The following ARHGAP24 variants were observed in gnomAD, a reference collection of about 807,000 sequenced individuals.
ARHGAP24 encodes rho GTPase-activating protein 24.
Under a neutral mutation model 76.4 loss-of-function variants are expected in ARHGAP24, and 50 were observed. The ratio of observed to expected loss-of-function variants is 0.65; its 90% confidence interval spans 0.52 to 0.83. The LOEUF is 0.83. ARHGAP24 is among the 40% of genes least tolerant of loss of function. The pLI, the probability that ARHGAP24 is intolerant of heterozygous loss-of-function variation, is 0.00. For synonymous variants in ARHGAP24, 345 were observed against 323.3 expected (o/e 1.07, Z -0.72); for missense variants, 930 against 914.2 (o/e 1.02, Z -0.22).
intron 3 of ARHGAP24, among the ~76,000 whole-genome samples, chr4:85,912,031 C>T (rs76856084): frequency 0.049 from 7,429 of 152,132 alleles, 459 homozygotes; most frequent in East Asian, 0.33. Context: ...GTGAGACCCC[C>T]TAATTCTAGA....
At position 85,837,396 on chromosome 4, in the gene ARHGAP24, C is replaced by T. The variant is rs1198133398; in HGVS notation, c.269-86252C>T. Among the ~76,000 whole-genome samples, 9 of 152,188 alleles carry T rather than the reference C, an allele frequency of 5.9e-5. No individual in the cohort carries two copies. In the East Asian group the frequency reaches 1.5e-3, roughly 26 times the overall value. On this transcript the variant is annotated intron_variant, in intron 3 of 9. Coordinates refer to ENST00000395184, the MANE Select transcript of ARHGAP24 (RefSeq NM_001025616.3). ...TCATTCTTTAAGTGATTGAAAATGT[C>T]GTGAACTCTTGCTTCACTGACTTCT...
At position 85,560,276 on chromosome 4, in the gene ARHGAP24, T is replaced by G. The variant is rs1333676453; in HGVS notation, c.-20-10246T>G. Among the ~76,000 whole-genome samples, 3 of 151,754 alleles carry G rather than the reference T, an allele frequency of 2.0e-5. No homozygotes were observed. The East Asian group carries it at 5.8e-4, about 29-fold the overall frequency. The stretch of plus-strand genomic sequence containing the variant: ...TATTATACATATATTAAAATTAATA[T>G]ATATAATTTTCTCTCTAGTTGAATT... On this transcript the variant is annotated intron_variant, in intron 1 of 9. Transcript: ENST00000395184.
chr4:85,867,079 G>A (rs1732240706), intron 3 of ARHGAP24, among the ~76,000 whole-genome samples: 1 of 152,028 alleles, frequency 6.6e-6, no homozygotes, highest in Admixed American at 6.6e-5. Context: ...GGACTTTTCA[G>A]CATACTAGAC....
chr4:85,501,116 A>G (rs573444531), intron 1 of ARHGAP24, among the ~76,000 whole-genome samples: 19 of 152,258 alleles, frequency 1.2e-4, no homozygotes, highest in South Asian at 6.2e-4. Context: ...TCTTAATCCA[A>G]TCTATCAGTG....
At chr4:85,580,304 A>G (rs946006847) in intron 2 of ARHGAP24, among the ~76,000 whole-genome samples, 1 of 152,124 alleles carries the variant, frequency 6.6e-6, no homozygotes, top group Non-Finnish European at 1.5e-5. Flanking sequence ...GCTGTTGGGG[A>G]CTACATGTCC....
intron 3 of ARHGAP24, among the ~76,000 whole-genome samples, chr4:85,766,809 ACTC>A (rs764105198): frequency 5.3e-5 from 8 of 152,076 alleles, no homozygotes; most frequent in Non-Finnish European, 2.9e-5. Flanking sequence ...CCTGCCTTTC[ACTC>A]CTCCTCAGAG....
intron 3 of ARHGAP24, 67 bp from the exon 4 acceptor site, chr4:85,923,581 T>C: frequency 6.2e-7 from 1 of 1,607,420 alleles, no homozygotes; most frequent in Non-Finnish European, 8.5e-7. Context: ...TCAGGGGTTC[T>C]TCTGGAGGCT....
At position 85,688,163 on chromosome 4, in the gene ARHGAP24, T is replaced by C. The variant is rs1168371443; in HGVS notation, c.181-33722T>C. Among the ~76,000 whole-genome samples, 7 of 152,164 alleles carry C rather than the reference T, an allele frequency of 4.6e-5. No homozygotes were observed. The South Asian group carries it at 1.4e-3, about 32-fold the overall frequency. On this transcript the variant is annotated intron_variant, in intron 2 of 9. Transcript: ENST00000395184. The stretch of plus-strand genomic sequence containing the variant: ...GAGATCTCCAAACTCCTTTCAACAG[T>C]AGTTGAAGTAATTTACATTTGCACC...
At chr4:85,650,779 A>G (rs1721910028) in intron 2 of ARHGAP24, among the ~76,000 whole-genome samples, 1 of 149,432 alleles carries the variant, frequency 6.7e-6, no homozygotes, top group Non-Finnish European at 1.5e-5. Flanking sequence ...ATTCAAACTG[A>G]ATATGAGTAC....
intron 3 of ARHGAP24, among the ~76,000 whole-genome samples, chr4:85,881,693 C>T (rs1733263015): frequency 1.3e-5 from 2 of 152,160 alleles, no homozygotes; most frequent in Admixed American, 1.3e-4. Flanking sequence ...AGATTCTCTG[C>T]ACCTCCAGAT....
At chr4:85,692,782 TC>T (rs1723714554) in intron 2 of ARHGAP24, among the ~76,000 whole-genome samples, 1 of 152,228 alleles carries the variant, frequency 6.6e-6, no homozygotes, top group Admixed American at 6.5e-5. Context: ...TTCCTTGCCA[TC>T]CAGATTCTAA....
intron 2 of ARHGAP24, among the ~76,000 whole-genome samples, chr4:85,641,770 G>A (rs1578101256): frequency 6.6e-6 from 1 of 152,110 alleles, no homozygotes; most frequent in South Asian, 2.1e-4. Flanking sequence ...ACATGCATAG[G>A]GTGAGGTATG....
At chr4:85,533,719 A>C (rs1397603032) in intron 1 of ARHGAP24, among the ~76,000 whole-genome samples, 1 of 152,184 alleles carries the variant, frequency 6.6e-6, no homozygotes, top group African/African-American at 2.4e-5. Flanking sequence ...AGATGCTATC[A>C]CTAACATAAT....
Position 85,669,773 on chromosome 4 carries a change from T to C in ARHGAP24, c.181-52112T>C, listed in dbSNP as rs147206408. Among the ~76,000 whole-genome samples the C allele has an allele frequency of 4.6e-3, 693 of 149,914 alleles. 30 individuals are homozygous for C. In the South Asian group the frequency reaches 0.068, roughly 15 times the overall value. The stretch of plus-strand genomic sequence containing the variant: ...TAATCATATATTTAGTGGAATGAAC[T>C]CTTCCATAGATGATAATAATAGGAA... On this transcript the variant is annotated intron_variant, in intron 2 of 9. Transcript: ENST00000395184.
chr4:85,990,862 G>C (rs1006141685), intron 8 of ARHGAP24: 1 of 151,942 alleles, frequency 6.6e-6, no homozygotes, highest in Non-Finnish European at 1.5e-5. Flanking sequence ...CGTTGTGCTA[G>C]TGAAGACTCA....
At chr4:85,780,520 T>C (rs1727504246) in intron 3 of ARHGAP24, among the ~76,000 whole-genome samples, 1 of 152,154 alleles carries the variant, frequency 6.6e-6, no homozygotes, top group Non-Finnish European at 1.5e-5. Context: ...TTTCCTCCTG[T>C]GTCCACCTTC....
chr4:85,518,576 C>G (rs929829601), intron 1 of ARHGAP24, among the ~76,000 whole-genome samples: 1 of 152,070 alleles, frequency 6.6e-6, no homozygotes, highest in Non-Finnish European at 1.5e-5. Context: ...CCTTTGCGTC[C>G]TCATAGCTTA....
At chr4:85,859,801 G>A (rs918391307) in intron 3 of ARHGAP24, among the ~76,000 whole-genome samples, 1 of 152,074 alleles carries the variant, frequency 6.6e-6, no homozygotes, top group Non-Finnish European at 1.5e-5. Context: ...CTTTGCAGCA[G>A]GTGGGAAGAA....
At chr4:85,585,710 C>G (rs1387644586) in intron 2 of ARHGAP24, among the ~76,000 whole-genome samples, 2 of 152,186 alleles carry the variant, frequency 1.3e-5, no homozygotes, top group Non-Finnish European at 2.9e-5. Context: ...AAAGGAAAGT[C>G]TGCTTTTGTA....
Sources: allele counts gnomAD v4.1 joint callset (sites outside exome capture counted in the v4.1 genomes callset), GRCh38; gene constraint gnomAD v4.1.1; transcripts MANE v1.5; gene names NCBI Gene and HGNC (gene_info 2026-07-23, HGNC 2026-07-21).